GCN1: variants seen among roughly 807,000 people sequenced by gnomAD.
The protein encoded by GCN1 is stalled ribosome sensor GCN1.
GCN1 carries 90 observed loss-of-function variants against 288.4 expected under a neutral mutation model. The ratio of observed to expected loss-of-function variants is 0.31; its 90% confidence interval spans 0.26 to 0.37. The LOEUF is 0.37. Ranked by LOEUF, GCN1 falls within the 10% of genes least tolerant of loss-of-function variation. The pLI, the probability that GCN1 is intolerant of heterozygous loss-of-function variation, is 1.00. For missense variants in GCN1, 2,586 were observed against 3,419.9 expected (o/e 0.76, Z 6.08); for synonymous variants, 1,386 against 1,420.2 (o/e 0.98, Z 0.54).
intron 15 of GCN1, 58 bp from the exon 16 acceptor site, chr12:120,168,358 C>T (rs891791450): frequency 2.5e-5 from 26 of 1,039,098 alleles, no homozygotes; most frequent in Non-Finnish European, 4.0e-5. Context: ...CAGAGCTGAT[C>T]TACTCCATCC....
chr12:120,177,636 G>A, intron 8 of GCN1, 48 bp downstream of exon 8: 1 of 1,550,182 alleles, frequency 6.5e-7, no homozygotes, highest in Non-Finnish European at 8.9e-7. Context: ...TCCCAGAATT[G>A]AAAATGGGAT....
At chr12:120,152,413 A>AATATATATATATAAATATATATATATTT (rs1555300611) in intron 33 of GCN1, among the ~76,000 whole-genome samples, 30 of 132,930 alleles carry the variant, frequency 2.3e-4, no homozygotes, top group Non-Finnish European at 3.0e-4. Flanking sequence ...ACACACACAA[A>AATATATATATATAAATATATATATATTT]ATATATATAT....
intron 24 of GCN1, 63 bp downstream of exon 24, chr12:120,159,762 A>ACC: frequency 3.5e-6 from 5 of 1,413,160 alleles, no homozygotes; most frequent in Non-Finnish European, 5.0e-6. Flanking sequence ...TCAGGGGCAC[A>ACC]CCCTGTCCAA....
chr12:120,174,786 T>C lies in GCN1; in HGVS notation c.1093+376A>G, dbSNP rs1269156140. The stretch of plus-strand genomic sequence containing the variant: ...GGCCTGGCGACAGAGTGAGACTCCA[T>C]CTCAAAAAAAAAAAAAAAAAAAAAG... On this transcript the variant is annotated intron_variant, in intron 12 of 57. Transcript: ENST00000300648. Among the ~76,000 whole-genome samples the C allele has an allele frequency of 4.2e-5, 4 of 94,318 alleles. 1 individual carries two copies. The highest frequency in any genetic ancestry group is 1.8e-4 in the African/African-American group (4 of 22,522). The allele number at this position is 94,318 out of a possible 152,430, so 61.9% of individuals were successfully genotyped here.
chr12:120,184,037 GCA>G lies in GCN1; in HGVS notation c.317+73_317+74del, dbSNP rs1324173002. The G allele has an allele frequency of 7.5e-6, 10 of 1,328,582 alleles. No individual in the cohort carries two copies. In the African/African-American group the frequency reaches 1.3e-4, roughly 18 times the overall value. 82.3% of individuals were successfully genotyped at this position (1,328,582 alleles called of 1,614,324 possible). ...TGCTATCCTGGCTCCTCCCTCTGGT[GCA>G]CAGTCAACTGCATCAGCTTCTCCTG... is the stretch of plus-strand genomic sequence containing the variant. On this transcript the variant is annotated intron_variant, in intron 4 of 57. Transcript: ENST00000300648.
chr12:120,177,723 G>T lies in GCN1; in HGVS notation c.690C>A (p.Asn230Lys). ...GAGGCTTGACTTTGCTCATCAGGAT[G>T]TTCTTCATGTAAAAGTCCAGTAGGG... ...KSALLDFYMK[N>K]ILMSKVKPPK... The change falls in exon 8 of 58, where the codon AAC (asparagine) becomes AAA (lysine). Residue 230 changes from asparagine (N) to lysine (K), a missense_variant. This residue lies in a region of GCN1 where 913 missense variants were observed against 1,107.0 expected (regional missense o/e 0.82). Transcript: ENST00000300648. 6.2e-7 allele frequency: 1 copy of T among 1,613,542 alleles called. No individual in the cohort carries two copies. The highest frequency in any genetic ancestry group is 8.5e-7 in the Non-Finnish European group (1 of 1,179,492).
rs368308443 is a variant in GCN1, at chr12:120,190,275, G to C, written c.121+23C>G. 7 of 1,092,690 alleles carry C rather than the reference G, an allele frequency of 6.4e-6. No individual in the cohort carries two copies. In the African/African-American group the frequency reaches 9.2e-5, roughly 14 times the overall value. 67.7% of individuals were successfully genotyped at this position (1,092,690 alleles called of 1,614,324 possible). On this transcript the variant is annotated intron_variant, in intron 2 of 57. Transcript: ENST00000300648. The stretch of plus-strand genomic sequence containing the variant: ...AGAAAAACAATGAATATTGTCCAGG[G>C]TATGTGGATGAAAAATAAATACCTT...
intron 15 of GCN1, among the ~76,000 whole-genome samples, chr12:120,168,810 C>T (rs188853471): frequency 3.6e-4 from 54 of 152,026 alleles, no homozygotes; most frequent in Non-Finnish European, 5.7e-4. Context: ...TGTATTTCCT[C>T]GCGCCTACTG....
At chr12:120,130,826 A>G in intron 55 of GCN1, 73 bp from the exon 56 acceptor site, 2 of 869,640 alleles carry the variant, frequency 2.3e-6, no homozygotes, top group Non-Finnish European at 3.7e-6. Flanking sequence ...CCCAGTTCCT[A>G]GTAATCTCCA....
At chr12:120,138,628 T>C (rs1406397275) in intron 46 of GCN1, 67 bp downstream of exon 46, 14 of 1,482,880 alleles carry the variant, frequency 9.4e-6, no homozygotes, top group African/African-American at 2.8e-5. Context: ...ATAATCGCCC[T>C]GTATTTTCCA....
rs751724376 is a variant in GCN1 at position 120,149,673 on chromosome 12, G to A, written c.4479C>T (p.His1493=). ...AKAVMSNLSA[H]GVKLVLPSLL... ...AGGAGGGGAGCACCAGCTTCACCCC[G>A]TGAGCACTCAAGTTGCTCATCACAG... Residue 1493 remains histidine (H), a synonymous_variant, in exon 36 of 58, where the codon CAC becomes CAT. Coordinates refer to ENST00000300648, the MANE Select transcript of GCN1 (RefSeq NM_006836.2). 4.3e-6 allele frequency: 7 copies of A among 1,614,056 alleles called. No individual in the cohort carries two copies. In the South Asian group the frequency reaches 4.4e-5, roughly 10 times the overall value.
At chr12:120,190,244 A>G (rs1878962327) in intron 2 of GCN1, 54 bp downstream of exon 2, 1 of 948,648 alleles carries the variant, frequency 1.1e-6, no homozygotes, top group South Asian at 1.4e-5. Flanking sequence ...AAAAAAAAAG[A>G]AAGAAAGAAA....
intron 53 of GCN1, among the ~76,000 whole-genome samples, chr12:120,132,949 C>T (rs1020204773): frequency 3.3e-5 from 5 of 152,246 alleles, no homozygotes; most frequent in African/African-American, 1.2e-4. Context: ...CTCTCTCCAA[C>T]TTCATCTATT....
chr12:120,142,814 C>G lies in GCN1; in HGVS notation c.5613+10G>C, dbSNP rs777755655. On this transcript the variant is annotated intron_variant, in intron 43 of 57. Transcript: ENST00000300648. This position sits in a 1 kb window ranked among gnomAD's most constrained non-coding sequence, Gnocchi z 4.9. ...ACCATCAGCAGGGGCAGGAAAGCCA[C>G]TGCAGGCACCTTGTTGGACTGGGCA... 1.9e-6 allele frequency: 3 copies of G among 1,606,396 alleles called. 1 individual carries two copies. The South Asian group carries it at 3.3e-5, about 18-fold the overall frequency.
intron 1 of GCN1, among the ~76,000 whole-genome samples, chr12:120,192,045 C>G (rs1353557331): frequency 6.6e-6 from 1 of 152,188 alleles, no homozygotes; most frequent in Non-Finnish European, 1.5e-5. Context: ...CATTCAACAT[C>G]CATTTAATAA....
chr12:120,194,585 A>C, intron 1 of GCN1, 95 bp downstream of exon 1: 1 of 1,143,326 alleles, frequency 8.7e-7, no homozygotes, highest in Non-Finnish European at 1.2e-6. Flanking sequence ...ACCACCTCCA[A>C]CGCCCCTAAG....
intron 14 of GCN1, among the ~76,000 whole-genome samples, chr12:120,172,081 C>A (rs1878331046): frequency 6.6e-6 from 1 of 152,138 alleles, no homozygotes; most frequent in Non-Finnish European, 1.5e-5. Flanking sequence ...CCAGGCTGGT[C>A]TCAAACTCCT....
rs1159163066 is a variant in GCN1, at chr12:120,144,089, G to A, written c.5495+217C>T. On this transcript the variant is annotated intron_variant, in intron 42 of 57. Coordinates refer to ENST00000300648, the MANE Select transcript of GCN1 (RefSeq NM_006836.2). This position sits in a 1 kb window ranked among gnomAD's most constrained non-coding sequence, Gnocchi z 4.7. ...CCTCTGGGGCTCAAGTGATCCTTCC[G>A]CCTCAGCCTCCTGTGTAGCTGGGAT... Among the ~76,000 whole-genome samples, 2 of 152,222 alleles carry A rather than the reference G, an allele frequency of 1.3e-5. No homozygotes were observed. Among genetic ancestry groups the A allele is most frequent in the East Asian group, 1.9e-4 (1 of 5,176 alleles).
chr12:120,181,510 T>C (rs906953607), intron 5 of GCN1, among the ~76,000 whole-genome samples: 21 of 142,100 alleles, frequency 1.5e-4, no homozygotes, highest in Admixed American at 1.2e-3. Context: ...TCATGGTGTG[T>C]GTATAAAAAA....
Sources: gnomAD v4.1 joint callset for allele counts (sites outside exome capture counted in the v4.1 genomes callset) on GRCh38, gnomAD v4.1.1 for gene constraint, gnomAD v4.1.1 regional missense constraint, Gnocchi (gnomAD v3.1) non-coding constraint, MANE v1.5 for transcripts, NCBI Gene and HGNC (gene_info 2026-07-23, HGNC 2026-07-21) for gene names.